ARG2: variants seen among roughly 807,000 people sequenced by gnomAD.
ARG2 encodes arginase-2, mitochondrial.
In ARG2, 21 loss-of-function variants were observed where a neutral mutation model predicts 39.4. The ratio of observed to expected loss-of-function variants is 0.53; its 90% confidence interval spans 0.38 to 0.77. The LOEUF is 0.77. ARG2 is among the 30% of genes least tolerant of loss of function. The probability of loss-of-function intolerance (pLI) is 0.00; values close to 1 mark genes in which losing one functional copy is unlikely to be tolerated. For missense variants in ARG2, 378 were observed against 426.2 expected (o/e 0.89, Z 1.00); for synonymous variants, 150 against 156.7 (o/e 0.96, Z 0.32).
intron 2 of ARG2, among the ~76,000 whole-genome samples, 177 bp downstream of exon 2, chr14:67,621,143 C>T (rs755348510): frequency 2.0e-5 from 3 of 152,190 alleles, no homozygotes; most frequent in Non-Finnish European, 4.4e-5. Flanking sequence ...GGAAAGTCTT[C>T]TTGCAATAAA....
At chr14:67,627,337 T>C (rs10145465) in intron 2 of ARG2, among the ~76,000 whole-genome samples, 4,582 of 150,894 alleles carry the variant, frequency 0.03, 226 homozygotes, top group African/African-American at 0.1. Flanking sequence ...GTAGTAATTA[T>C]AGGGTGTTTA....
At chr14:67,648,283 G>A (rs773420258) in intron 7 of ARG2, 100 bp downstream of exon 7, 55 of 1,399,884 alleles carry the variant, frequency 3.9e-5, no homozygotes, top group Non-Finnish European at 5.1e-5. Flanking sequence ...CATCATTGCA[G>A]AGTTTGTTTT....
intron 2 of ARG2, among the ~76,000 whole-genome samples, chr14:67,639,786 G>A (rs188041056): frequency 3.5e-4 from 53 of 152,194 alleles, no homozygotes; most frequent in African/African-American, 1.1e-3. Context: ...TTCACCAGAC[G>A]TGGTGGCGCA....
At chr14:67,639,500 T>C (rs2037007533) in intron 2 of ARG2, among the ~76,000 whole-genome samples, 1 of 152,194 alleles carries the variant, frequency 6.6e-6, no homozygotes, top group South Asian at 2.1e-4. Context: ...CACCTAATAT[T>C]ATAAAACACC....
chr14:67,645,237 C>T (rs1425716641), intron 3 of ARG2, among the ~76,000 whole-genome samples: 2 of 151,594 alleles, frequency 1.3e-5, no homozygotes, highest in African/African-American at 4.8e-5. Context: ...TGGTCTTGAA[C>T]CCCTGGGCTC....
intron 2 of ARG2, among the ~76,000 whole-genome samples, chr14:67,632,873 T>G (rs2036933254): frequency 7.8e-6 from 1 of 127,590 alleles, no homozygotes; most frequent in South Asian, 2.7e-4. Context: ...CAGGCTGGAG[T>G]GCAGTGGCGT....
rs758615579 is a variant in ARG2 at position 67,650,664 on chromosome 14, TGA to T, written c.860-47_860-46del. 7.7e-6 allele frequency: 12 copies of T among 1,560,462 alleles called. No individual in the cohort carries two copies. The Admixed American group carries it at 1.2e-4, about 15-fold the overall frequency. On this transcript the variant is annotated intron_variant, in intron 7 of 7. Transcript: ENST00000261783. ...CCTGTCCCAGTGGGATGACCCTCAC[TGA>T]GAGTAGCAGCAAGGGAACCTGAGGT...
Position 67,650,845 on chromosome 14 carries a change from G to T in ARG2, c.990G>T (p.Gly330=). ...GCTTTGGTCAGACAAGAGAAGGAGGGCATATTGTCTATGACCAACTTCCTA... is the reference window on the plus strand; with the variant it reads ...GCTTTGGTCAGACAAGAGAAGGAGGTCATATTGTCTATGACCAACTTCCTA... ...ASSFGQTREG[G]HIVYDQLPTP... The change falls in exon 8 of 8, where the codon GGG becomes GGT. Residue 330 remains glycine, a synonymous_variant. Coordinates refer to ENST00000261783, the MANE Select transcript of ARG2 (RefSeq NM_001172.4). The T allele has an allele frequency of 6.2e-7, 1 of 1,614,098 alleles. No homozygotes were observed. Among genetic ancestry groups the T allele is most frequent in the Non-Finnish European group, 8.5e-7 (1 of 1,179,992 alleles).
rs575024729 is a variant in ARG2, at chr14:67,624,586, C to G, written c.184+3620C>G. On this transcript the variant is annotated intron_variant, in intron 2 of 7. Transcript: ENST00000261783. The stretch of plus-strand genomic sequence containing the variant: ...GTGATACACACTTTTAACCGGATCT[C>G]ATGAGAACTCTATCATGAGACAGCA... Among the ~76,000 whole-genome samples, 30 of 152,228 alleles carry G rather than the reference C, an allele frequency of 2.0e-4. No individual in the cohort carries two copies. In the South Asian group the frequency reaches 5.8e-3, roughly 29 times the overall value.
chr14:67,645,875 G>C, intron 4 of ARG2, 73 bp downstream of exon 4: 3 of 1,547,326 alleles, frequency 1.9e-6, no homozygotes, highest in Non-Finnish European at 2.6e-6. Flanking sequence ...GTTCAGTTAA[G>C]ATTTTGGTGA....
At chr14:67,638,264 C>G (rs1030228974) in intron 2 of ARG2, among the ~76,000 whole-genome samples, 2 of 152,066 alleles carry the variant, frequency 1.3e-5, no homozygotes, top group African/African-American at 4.8e-5. Context: ...TGGCTCACAT[C>G]TGTAATCCTA....
At chr14:67,648,268 T>C in intron 7 of ARG2, 85 bp downstream of exon 7, 3 of 1,454,730 alleles carry the variant, frequency 2.1e-6, no homozygotes, top group Non-Finnish European at 2.8e-6. Context: ...TTTTCTGCTA[T>C]TCCACATCAT....
At chr14:67,632,808 A>ATTTTTTTTTTTTT (rs55642854) in intron 2 of ARG2, among the ~76,000 whole-genome samples, 1 of 62,358 alleles carries the variant, frequency 1.6e-5, no homozygotes, top group Non-Finnish European at 2.8e-5. Context: ...AAGCCTCTTA[A>ATTTTTTTTTTTTT]TTTTTTTTTT....
At chr14:67,635,960 CCT>C (rs1448098490) in intron 2 of ARG2, among the ~76,000 whole-genome samples, 1 of 152,064 alleles carries the variant, frequency 6.6e-6, no homozygotes, top group Non-Finnish European at 1.5e-5. Context: ...CCATTAGTAC[CCT>C]CTCAGCACCA....
Position 67,650,867 on chromosome 14 carries a change from C to CCTA in ARG2, c.1015_1017dup (p.Thr339dup). ...AGGGCATATTGTCTATGACCAACTT[C>CCTA]CTACTCCCAGTTCACCAGATGAATC... On this transcript the variant is annotated inframe_insertion, in exon 8 of 8. Transcript: ENST00000261783. 1 of 1,614,212 alleles carries CCTA rather than the reference C, an allele frequency of 6.2e-7. No individual in the cohort carries two copies. Among genetic ancestry groups the CCTA allele is most frequent in the South Asian group, 1.1e-5 (1 of 91,088 alleles).
intron 2 of ARG2, among the ~76,000 whole-genome samples, chr14:67,621,454 C>CTT (rs551156183): frequency 2.7e-5 from 4 of 145,512 alleles, no homozygotes; most frequent in African/African-American, 7.6e-5. Context: ...TTTCCGTGTT[C>CTT]TTTTTTTTTT....
rs779773557 is a variant in ARG2, at chr14:67,650,686, T to C, written c.860-29T>C. The C allele has an allele frequency of 3.7e-6, 6 of 1,608,362 alleles. No individual in the cohort carries two copies. The South Asian group carries it at 5.5e-5, about 15-fold the overall frequency. On this transcript the variant is annotated intron_variant, in intron 7 of 7. Transcript: ENST00000261783. ...CACTGAGAGTAGCAGCAAGGGAACC[T>C]GAGGTTTTGTCACACTTTGTTCTTC...
At position 67,646,512 on chromosome 14, in the gene ARG2, G is replaced by A; in HGVS notation, c.523-132G>A. The A allele has an allele frequency of 4.4e-6, 3 of 676,096 alleles. No individual in the cohort carries two copies. The East Asian group carries it at 7.8e-5, about 18-fold the overall frequency. 41.9% of individuals were successfully genotyped at this position (676,096 alleles called of 1,614,324 possible). ...CACTTCTCCTTCCCAGATCAAGTGT[G>A]TCCTGTGTTGCTCTAAACTTACCCT... On this transcript the variant is annotated intron_variant, in intron 4 of 7. Coordinates refer to ENST00000261783, the MANE Select transcript of ARG2 (RefSeq NM_001172.4).
Position 67,647,021 on chromosome 14 carries a change from G to C in ARG2, c.718G>C (p.Gly240Arg), listed in dbSNP as rs17104534. 2,215 of 1,603,698 alleles carry C rather than the reference G, an allele frequency of 1.4e-3. 30 individuals are homozygous for C. The African/African-American group carries it at 0.027, about 20-fold the overall frequency. Residue 240 changes from glycine (G) to arginine (R), a missense_variant, in exon 6 of 8, where the codon GGC (glycine) becomes CGC (arginine). Coordinates refer to ENST00000261783, the MANE Select transcript of ARG2 (RefSeq NM_001172.4). The stretch of plus-strand genomic sequence containing the variant: ...GGAACGAACATTTGATCTGCTGATT[G>C]GCAAGTAAGTAACTATAACTGATGT... ...VMERTFDLLI[G>R]KRQRPIHLSF...
Sources: gnomAD v4.1 joint callset for allele counts (sites outside exome capture counted in the v4.1 genomes callset) on GRCh38, gnomAD v4.1.1 for gene constraint, MANE v1.5 for transcripts, NCBI Gene and HGNC (gene_info 2026-07-23, HGNC 2026-07-21) for gene names.